DGKK: variants seen among roughly 807,000 people sequenced by gnomAD.
DGKK encodes the protein diacylglycerol kinase kappa, also known as 142 kDa diacylglycerol kinase.
DGKK carries 35 observed loss-of-function variants against 92.2 expected under a neutral mutation model. The observed-to-expected ratio is 0.38, with a 90% CI of 0.29 to 0.50. DGKK has a LOEUF of 0.50. Ranked by LOEUF, DGKK falls within the 20% of genes least tolerant of loss-of-function variation. DGKK has a pLI of 0.92. For synonymous variants in DGKK, 368 were observed against 360.6 expected (o/e 1.02, Z -0.23); for missense variants, 910 against 992.2 (o/e 0.92, Z 1.11).
chrX:50,401,040 C>A lies in DGKK; in HGVS notation c.1408G>T (p.Asp470Tyr). Residue 470 changes from aspartate to tyrosine, a missense_variant, in exon 8 of 28, where the codon GAT (aspartate) becomes TAT (tyrosine). By Grantham distance (160) the Asp-to-Tyr change is radical. Transcript: ENST00000611977. ...AGGTTAAGATTTAACTACTCACCAT[C>A]GCCTTTGGGGTCGCTTAGAGCAGTG... ...PPTALSDPKG[D>Y]GQLVVSSDFW... 1 of 1,194,898 alleles carries A rather than the reference C, an allele frequency of 8.4e-7. No individual in the cohort carries two copies. Among genetic ancestry groups the A allele is most frequent in the Non-Finnish European group, 1.1e-6 (1 of 886,264 alleles).
intron 7 of DGKK, among the ~76,000 whole-genome samples, chrX:50,402,474 G>T (rs1602279275): frequency 9.0e-6 from 1 of 111,569 alleles, no homozygotes; most frequent in South Asian, 3.8e-4. Flanking sequence ...AATTATGTAT[G>T]AATCAAGACT....
intron 4 of DGKK, among the ~76,000 whole-genome samples, chrX:50,406,943 G>C (rs1224035008): frequency 1.8e-5 from 2 of 111,830 alleles, no homozygotes; most frequent in Non-Finnish European, 3.8e-5. Flanking sequence ...GGGTAGACTA[G>C]AAGAATTTTG....
At chrX:50,399,976 T>C (rs1223780635) in intron 8 of DGKK, among the ~76,000 whole-genome samples, 1 of 111,926 alleles carries the variant, frequency 8.9e-6, no homozygotes, top group African/African-American at 3.2e-5. Context: ...ACTAGATATT[T>C]AGTTGCCCAA....
chrX:50,369,477 T>C (rs1184596087), intron 27 of DGKK, among the ~76,000 whole-genome samples: 1 of 109,016 alleles, frequency 9.2e-6, no homozygotes, highest in Non-Finnish European at 1.9e-5. Flanking sequence ...GCTCCCTTTC[T>C]TTCTCCTTCC....
In DGKK at chrX:50,378,724, C is replaced by A. The variant is rs1924335671; in HGVS notation, c.2863-33G>T. The A allele has an allele frequency of 6.5e-6, 7 of 1,075,598 alleles. No individual in the cohort carries two copies. In the East Asian group the frequency reaches 2.2e-4, roughly 34 times the overall value. The allele number at this position is 1,075,598 out of a possible 1,213,427, so 88.6% of individuals were successfully genotyped here. A position where few individuals can be genotyped will look rare whatever the true frequency, so the allele number is the denominator to read the frequency against. On this transcript the variant is annotated intron_variant, in intron 20 of 27. Transcript: ENST00000611977. ...GGAAGAACTGTGTCACATCTCCCAC[C>A]CTTGAGAAATCACACCCTGTCTATA...
intron 4 of DGKK, among the ~76,000 whole-genome samples, chrX:50,417,569 C>G (rs782026223): frequency 9.0e-5 from 10 of 110,908 alleles, no homozygotes; most frequent in Non-Finnish European, 1.5e-4. Context: ...TTTAAATCCC[C>G]CAGGCTCACA....
At position 50,367,321 on chromosome X, in the gene DGKK, G is replaced by T. The variant is rs1923997496; in HGVS notation, c.*1619C>A. The T allele has an allele frequency of 1.8e-5, 2 of 111,650 alleles. No individual in the cohort carries two copies. Among genetic ancestry groups the T allele is most frequent in the Non-Finnish European group, 3.8e-5 (2 of 53,106 alleles). The allele number at this position is 111,650 out of a possible 1,213,427, so 9.2% of individuals were successfully genotyped here. On this transcript the variant is annotated 3_prime_UTR_variant, in exon 28 of 28. Coordinates refer to ENST00000611977, the MANE Select transcript of DGKK (RefSeq NM_001013742.4). ...AAGGCTGACCAGAGAGAACCTCTCT[G>T]GGCATTGGGGTTTGATTAGATTTGC...
rs1357606920 is a variant in DGKK at position 50,401,880 on chromosome X, T to C, written c.1309-741A>G. Among the ~76,000 whole-genome samples, 3 of 111,800 alleles carry C rather than the reference T, an allele frequency of 2.7e-5. No individual in the cohort carries two copies. The South Asian group carries it at 1.1e-3, about 43-fold the overall frequency. Reference sequence around the variant, plus strand: ...AAATCTAGATCAGGGTCTCTCAACTTCAGCATTACTGATATTTTGAGCCAG... The same window carrying C: ...AAATCTAGATCAGGGTCTCTCAACTCCAGCATTACTGATATTTTGAGCCAG... On this transcript the variant is annotated intron_variant, in intron 7 of 27. Coordinates refer to ENST00000611977, the MANE Select transcript of DGKK (RefSeq NM_001013742.4).
rs190263838 is a variant in DGKK at position 50,407,283 on chromosome X, C to A, written c.943-3099G>T. On this transcript the variant is annotated intron_variant, in intron 4 of 27. Coordinates refer to ENST00000611977, the MANE Select transcript of DGKK (RefSeq NM_001013742.4). ...TGAGGAAAGAAATTGTGTTAGTCTG[C>A]TCAGGCATCATAAAAAATAGCATAG... Among the ~76,000 whole-genome samples, 4 of 111,818 alleles carry A rather than the reference C, an allele frequency of 3.6e-5. No individual in the cohort carries two copies. In the East Asian group the frequency reaches 1.1e-3, roughly 31 times the overall value.
chrX:50,402,884 G>C (rs552923042), intron 7 of DGKK, among the ~76,000 whole-genome samples, 177 bp downstream of exon 7: 3 of 111,393 alleles, frequency 2.7e-5, no homozygotes, highest in East Asian at 5.7e-4. Flanking sequence ...CCAAAGAAAG[G>C]CTCCATAGTC....
intron 25 of DGKK, among the ~76,000 whole-genome samples, chrX:50,372,779 T>G (rs782355866): frequency 2.2e-4 from 25 of 112,370 alleles, no homozygotes; most frequent in Non-Finnish European, 4.3e-4. Flanking sequence ...CACATTCCAG[T>G]AAGTAGTGAG....
At chrX:50,396,432 A>C (rs1454790225) in intron 8 of DGKK, among the ~76,000 whole-genome samples, 1 of 112,166 alleles carries the variant, frequency 8.9e-6, no homozygotes, top group African/African-American at 3.2e-5. Flanking sequence ...TTTTTAAAAA[A>C]CTGAACCATG....
At chrX:50,466,214 C>T (rs192203441) in intron 1 of DGKK, among the ~76,000 whole-genome samples, 1 of 109,072 alleles carries the variant, frequency 9.2e-6, no homozygotes, top group East Asian at 2.9e-4. Context: ...TTAGAATACA[C>T]CAAATAAATC....
At chrX:50,372,420 C>T (rs1305044770) in intron 25 of DGKK, among the ~76,000 whole-genome samples, 1 of 111,622 alleles carries the variant, frequency 9.0e-6, no homozygotes, top group African/African-American at 3.3e-5. Flanking sequence ...TGTGGGGAGG[C>T]CAGATGCTGA....
At chrX:50,447,357 AATATATATATATT>A (rs1422468160) in intron 1 of DGKK, among the ~76,000 whole-genome samples, 1 of 8,170 alleles carries the variant, frequency 1.2e-4, no homozygotes, top group Non-Finnish European at 1.8e-4. Context: ...ATATATATAT[AATATATATATATT>A]ATATATATAT....
chrX:50,387,436 C>G (rs1162400658), intron 14 of DGKK, 118 bp downstream of exon 14: 13 of 559,061 alleles, frequency 2.3e-5, no homozygotes, highest in Non-Finnish European at 3.7e-5. Context: ...GGAGGCTTAA[C>G]AGCTGCCCCT....
Position 50,447,409 on chromosome X carries a change from A to AT in DGKK, c.645+22624_645+22625insA, listed in dbSNP as rs1491383116. 4.5e-3 allele frequency among the ~76,000 whole-genome samples: 56 copies of AT among 12,464 alleles called. 7 individuals are homozygous for AT. The African/African-American group carries it at 0.046, about 10-fold the overall frequency. 10.8% of individuals were successfully genotyped at this position (12,464 alleles called of 115,157 possible). On this transcript the variant is annotated intron_variant, in intron 1 of 27. Coordinates refer to ENST00000611977, the MANE Select transcript of DGKK (RefSeq NM_001013742.4). ...ATATATATATATTATATATATATAT[A>AT]ATATATATATATATATATTATATAT...
Position 50,375,004 on chromosome X carries a change from G to A in DGKK, c.3468C>T (p.Tyr1156=), listed in dbSNP as rs782285579. ...VDVTFSLKGL[Y]DDTTAFLDEK... ...CATCCAGGAAAGCTGTGGTGTCATC[G>A]TAGAGACCTTTAAGACTAAATGTAA... The change falls in exon 25 of 28, where the codon TAC becomes TAT. Residue 1156 remains tyrosine, a synonymous_variant. Transcript: ENST00000611977. The A allele has an allele frequency of 9.9e-6, 12 of 1,207,480 alleles. No homozygotes were observed. The highest frequency in any genetic ancestry group is 5.3e-5 in the South Asian group (3 of 56,586).
chrX:50,462,974 TACATACCCACCACCCCCCCCACACGC>T (rs1273236168), intron 1 of DGKK, among the ~76,000 whole-genome samples: 1 of 84,145 alleles, frequency 1.2e-5, no homozygotes, highest in African/African-American at 4.3e-5. Context: ...TGAGATTGGG[TACATACCCACCACCCCCCCCACACGC>T]ACATTCCCCA....
Sources: gnomAD v4.1 joint callset for allele counts (sites outside exome capture counted in the v4.1 genomes callset) on GRCh38, gnomAD v4.1.1 for gene constraint, MANE v1.5 for transcripts, NCBI Gene and HGNC (gene_info 2026-07-23, HGNC 2026-07-21) for gene names.